Variants in NUBPL observed in about 807,000 individuals in gnomAD.
NUBPL encodes iron-sulfur cluster transfer protein NUBPL.
In NUBPL, 31 loss-of-function variants were observed where a neutral mutation model predicts 45.7. The observed-to-expected ratio is 0.68, with a 90% confidence interval of 0.51 to 0.92. The LOEUF (loss-of-function observed/expected upper bound fraction) is 0.92, where lower values mean the gene tolerates loss of function less well. NUBPL is among the 40% of genes least tolerant of loss of function. The pLI, the probability that NUBPL is intolerant of heterozygous loss-of-function variation, is 0.00. For missense variants in NUBPL, 401 were observed against 398.7 expected (o/e 1.01, Z -0.05); for synonymous variants, 144 against 140.9 (o/e 1.02, Z -0.15).
intron 8 of NUBPL, chr14:31,844,331 C>A (rs1001218421): frequency 1.3e-5 from 2 of 152,124 alleles, no homozygotes; most frequent in African/African-American, 2.4e-5. Flanking sequence ...GAGAGCCATA[C>A]AGTCAGGGGA....
At chr14:31,688,333 T>C (rs1346094140) in intron 6 of NUBPL, among the ~76,000 whole-genome samples, 2 of 151,944 alleles carry the variant, frequency 1.3e-5, no homozygotes, top group Admixed American at 1.3e-4. Context: ...ATCCCAGCAC[T>C]TTGGCAGGCC....
At chr14:31,737,441 G>T (rs571812976) in intron 6 of NUBPL, among the ~76,000 whole-genome samples, 78 of 150,816 alleles carry the variant, frequency 5.2e-4, no homozygotes, top group Admixed American at 1.0e-3. Flanking sequence ...TCTAACCTTT[G>T]ATAGCTGTCT....
At chr14:31,736,059 T>C (rs951416827) in intron 6 of NUBPL, among the ~76,000 whole-genome samples, 1 of 152,170 alleles carries the variant, frequency 6.6e-6, no homozygotes, top group Non-Finnish European at 1.5e-5. Flanking sequence ...CTTTTCCTCA[T>C]TGTTAGAAAT....
intron 6 of NUBPL, among the ~76,000 whole-genome samples, chr14:31,694,307 G>T (rs2037165897): frequency 6.6e-6 from 1 of 152,158 alleles, no homozygotes; most frequent in African/African-American, 2.4e-5. Context: ...CAAGGAAATA[G>T]ATACATAACT....
At chr14:31,755,036 T>C (rs913918380) in intron 6 of NUBPL, among the ~76,000 whole-genome samples, 1 of 152,058 alleles carries the variant, frequency 6.6e-6, no homozygotes, top group Non-Finnish European at 1.5e-5. Flanking sequence ...ACTCATCGTT[T>C]TTTATGGCTG....
intron 3 of NUBPL, among the ~76,000 whole-genome samples, chr14:31,578,953 G>T (rs1330447302): frequency 6.6e-6 from 1 of 152,182 alleles, no homozygotes; most frequent in African/African-American, 2.4e-5. Flanking sequence ...TAACTGACGA[G>T]TTAGATTACT....
intron 6 of NUBPL, among the ~76,000 whole-genome samples, chr14:31,757,405 C>T (rs1382952068): frequency 6.6e-6 from 1 of 151,582 alleles, no homozygotes; most frequent in Non-Finnish European, 1.5e-5. Flanking sequence ...TTCAGAGATT[C>T]AACTTCTTCC....
At chr14:31,637,763 C>G (rs1005237935) in intron 4 of NUBPL, among the ~76,000 whole-genome samples, 1 of 152,164 alleles carries the variant, frequency 6.6e-6, no homozygotes, top group African/African-American at 2.4e-5. Context: ...CTTTATGAAT[C>G]TGGGTGCTCC....
intron 3 of NUBPL, among the ~76,000 whole-genome samples, chr14:31,580,402 T>G (rs909505137): frequency 1.3e-5 from 2 of 152,142 alleles, no homozygotes; most frequent in African/African-American, 4.8e-5. Context: ...CTGGGAGAAT[T>G]ACTTCAGGCC....
At chr14:31,638,895 C>T (rs1024588322) in intron 4 of NUBPL, among the ~76,000 whole-genome samples, 2 of 152,194 alleles carry the variant, frequency 1.3e-5, no homozygotes, top group East Asian at 1.9e-4. Context: ...GAGGCTTCTG[C>T]ATTCTTCACG....
chr14:31,697,613 T>C (rs1359440004), intron 6 of NUBPL, among the ~76,000 whole-genome samples: 9 of 152,318 alleles, frequency 5.9e-5, no homozygotes, highest in East Asian at 1.9e-4. Context: ...TTGTTGCAGA[T>C]TAAATATACA....
chr14:31,799,225 AC>A (rs1327707605), intron 7 of NUBPL, among the ~76,000 whole-genome samples: 3 of 151,750 alleles, frequency 2.0e-5, no homozygotes, highest in African/African-American at 7.3e-5. Context: ...AGATACAACC[AC>A]CCCCACACAC....
intron 7 of NUBPL, among the ~76,000 whole-genome samples, chr14:31,801,422 A>G (rs890212911): frequency 2.0e-5 from 3 of 152,230 alleles, no homozygotes; most frequent in African/African-American, 7.2e-5. Flanking sequence ...ATAATTGTGA[A>G]TTAACAGCTT....
chr14:31,625,667 G>A (rs1377235622), intron 4 of NUBPL, among the ~76,000 whole-genome samples: 1 of 151,716 alleles, frequency 6.6e-6, no homozygotes, highest in Admixed American at 6.6e-5. Context: ...GTAGAGACAG[G>A]GTTTCACCAT....
chr14:31,645,807 C>T (rs116868462), intron 4 of NUBPL, among the ~76,000 whole-genome samples: 3,146 of 120,248 alleles, frequency 0.026, 55 homozygotes, highest in Middle Eastern at 0.051. Flanking sequence ...TTTGTTGTGT[C>T]ATTTTACGTT....
At chr14:31,743,481 G>A (rs527620900) in intron 6 of NUBPL, among the ~76,000 whole-genome samples, 2 of 152,238 alleles carry the variant, frequency 1.3e-5, no homozygotes, top group East Asian at 3.9e-4. Flanking sequence ...CTGGGTTCAA[G>A]CAATTCTCTT....
At chr14:31,772,968 T>C (rs1160442805) in intron 6 of NUBPL, among the ~76,000 whole-genome samples, 5 of 152,178 alleles carry the variant, frequency 3.3e-5, no homozygotes, top group African/African-American at 1.2e-4. Flanking sequence ...AGAACATTTA[T>C]ATAATTATTA....
At chr14:31,639,517 G>A (rs2035617173) in intron 4 of NUBPL, among the ~76,000 whole-genome samples, 1 of 152,164 alleles carries the variant, frequency 6.6e-6, no homozygotes, top group Admixed American at 6.5e-5. Flanking sequence ...CAGTTAGGCT[G>A]CTCGGGGGTT....
At chr14:31,815,594 G>C (rs892711526) in intron 7 of NUBPL, among the ~76,000 whole-genome samples, 1 of 152,150 alleles carries the variant, frequency 6.6e-6, no homozygotes, top group African/African-American at 2.4e-5. Flanking sequence ...TGGTAAGAGA[G>C]GTCATCCTTG....
Sources: gnomAD v4.1 joint callset for allele counts (sites outside exome capture counted in the v4.1 genomes callset) on GRCh38, gnomAD v4.1.1 for gene constraint, MANE v1.5 for transcripts, NCBI Gene and HGNC (gene_info 2026-07-23, HGNC 2026-07-21) for gene names.